Variants in GNG7 observed in about 807,000 individuals in gnomAD.
GNG7 encodes G protein subunit gamma 7.
GNG7 carries 1 observed loss-of-function variant against 4.0 expected under a neutral mutation model. The ratio of observed to expected loss-of-function variants is 0.25; its 90% CI spans 0.09 to 1.18. GNG7 has a LOEUF of 1.18. Ranked by LOEUF, GNG7 falls within the 50% of genes most tolerant of loss-of-function variation. The pLI, the probability that GNG7 is intolerant of heterozygous loss-of-function variation, is 0.50. For synonymous variants in GNG7, 34 were observed against 36.9 expected (o/e 0.92, Z 0.29); for missense variants, 86 against 91.9 (o/e 0.94, Z 0.26).
At position 2,558,029 on chromosome 19, in the gene GNG7, G is replaced by T. The variant is rs540601995; in HGVS notation, c.-77-2841C>A. The stretch of plus-strand genomic sequence containing the variant: ...GGTAATTTTTTGTGTTTTTAGTAGA[G>T]AGGGGGTTTCACCGTGTTAGCCAGG... On this transcript the variant is annotated intron_variant, in intron 2 of 4. Transcript: ENST00000382159. 2.5e-3 allele frequency among the ~76,000 whole-genome samples: 385 copies of T among 152,138 alleles called. 1 individual carries two copies. Among genetic ancestry groups the T allele is most frequent in the Non-Finnish European group, 4.2e-3 (288 of 68,018 alleles).
chr19:2,611,171 G>C lies in GNG7; in HGVS notation c.-78+35053C>G, dbSNP rs979621833. On this transcript the variant is annotated intron_variant, in intron 2 of 4. Coordinates refer to ENST00000382159, the MANE Select transcript of GNG7 (RefSeq NM_052847.3). The surrounding 1 kb of genome is among the most constrained non-coding windows in gnomAD (Gnocchi z 6.0). ...CCCTTACTAAGCCGCTCAGCCCAGG[G>C]ATCCAGGGCCCTGGCGAGACAGCCT... 2.0e-5 allele frequency: 3 copies of C among 152,290 alleles called. No homozygotes were observed. Among genetic ancestry groups the C allele is most frequent in the Non-Finnish European group, 2.9e-5 (2 of 68,104 alleles). 9.4% of individuals were successfully genotyped at this position (152,290 alleles called of 1,614,324 possible). A position where few individuals can be genotyped will look rare whatever the true frequency, so the allele number is the denominator to read the frequency against.
At chr19:2,665,716 C>G (rs567414398) in intron 1 of GNG7, among the ~76,000 whole-genome samples, 3 of 152,160 alleles carry the variant, frequency 2.0e-5, no homozygotes, top group Non-Finnish European at 2.9e-5. Flanking sequence ...GAATGCACAT[C>G]GAAGCAGCAT....
At chr19:2,517,512 A>C (rs1972752295) in intron 4 of GNG7, among the ~76,000 whole-genome samples, 2 of 151,846 alleles carry the variant, frequency 1.3e-5, no homozygotes, top group Non-Finnish European at 2.9e-5. Context: ...CTCCAGGCGC[A>C]CGCCACCACG....
rs1001159760 is a variant in GNG7, at chr19:2,633,477, G to A, written c.-78+12747C>T. 1.3e-4 allele frequency among the ~76,000 whole-genome samples: 8 copies of A among 63,220 alleles called. No individual in the cohort carries two copies. The highest frequency in any genetic ancestry group is 2.6e-4 in the Non-Finnish European group (8 of 31,208). The allele number at this position is 63,220 out of a possible 152,430, so 41.5% of individuals were successfully genotyped here. A position where few individuals can be genotyped will look rare whatever the true frequency, so the allele number is the denominator to read the frequency against. On this transcript the variant is annotated intron_variant, in intron 2 of 4. Transcript: ENST00000382159. The surrounding 1 kb of genome is among the most constrained non-coding windows in gnomAD (Gnocchi z 5.9). Reference sequence around the variant, plus strand: ...AGCGGTTGCTTAGCAACAGGCGCGCGCGCGCGCGCGCACACACACACACAC... The same window carrying A: ...AGCGGTTGCTTAGCAACAGGCGCGCACGCGCGCGCGCACACACACACACAC...
chr19:2,525,817 C>CT (rs953241147), intron 3 of GNG7, among the ~76,000 whole-genome samples: 34 of 149,250 alleles, frequency 2.3e-4, no homozygotes, highest in Non-Finnish European at 2.7e-4. Flanking sequence ...TGCTCTGCCT[C>CT]TTTTTTTTTT....
chr19:2,567,584 C>T (rs1212055055), intron 2 of GNG7, among the ~76,000 whole-genome samples: 3 of 152,116 alleles, frequency 2.0e-5, no homozygotes, highest in South Asian at 4.1e-4. Flanking sequence ...CCTCGGCCTC[C>T]CAAAGTGCTG....
chr19:2,690,422 C>T (rs775295207), intron 1 of GNG7, among the ~76,000 whole-genome samples: 17 of 152,084 alleles, frequency 1.1e-4, no homozygotes, highest in Non-Finnish European at 1.5e-5. Context: ...GATAATCATT[C>T]TTAGCCCAGG....
chr19:2,609,033 T>TC lies in GNG7; in HGVS notation c.-78+37190_-78+37191insG, dbSNP rs1491532959. Among the ~76,000 whole-genome samples the TC allele has an allele frequency of 6.8e-6, 1 of 146,708 alleles. No homozygotes were observed. The highest frequency in any genetic ancestry group is 1.5e-5 in the Non-Finnish European group (1 of 67,904). ...CATTCTCTCTCTCTCTCTCTCTCTC[T>TC]TTTTTTGTTTTGAGACAGGGTCTCA... On this transcript the variant is annotated intron_variant, in intron 2 of 4. Transcript: ENST00000382159. The surrounding 1 kb of genome is among the most constrained non-coding windows in gnomAD (Gnocchi z 4.4).
At chr19:2,543,652 G>C (rs1979034121) in intron 3 of GNG7, among the ~76,000 whole-genome samples, 1 of 152,146 alleles carries the variant, frequency 6.6e-6, no homozygotes, top group South Asian at 2.1e-4. Flanking sequence ...GGCTCCTAAG[G>C]CCAGCGGGCG....
At chr19:2,629,726 G>C (rs1203076741) in intron 2 of GNG7, among the ~76,000 whole-genome samples, 1 of 152,136 alleles carries the variant, frequency 6.6e-6, no homozygotes, top group Non-Finnish European at 1.5e-5. Context: ...GTTTTGTTTG[G>C]TTGTACTCCC....
At chr19:2,668,882 CTCTATGCTGGGAA>C (rs1271074616) in intron 1 of GNG7, among the ~76,000 whole-genome samples, 1 of 152,146 alleles carries the variant, frequency 6.6e-6, no homozygotes, top group Non-Finnish European at 1.5e-5. Context: ...CCTCCATCCT[CTCTATGCTGGGAA>C]CACCCCTCAA....
intron 3 of GNG7, among the ~76,000 whole-genome samples, chr19:2,551,041 G>A (rs1055122966): frequency 6.6e-6 from 1 of 152,122 alleles, no homozygotes; most frequent in African/African-American, 2.4e-5. Context: ...TAATCCCCAC[G>A]GCACGTGGCC....
chr19:2,544,967 G>A (rs1011716469), intron 3 of GNG7, among the ~76,000 whole-genome samples: 2 of 152,196 alleles, frequency 1.3e-5, no homozygotes, highest in African/African-American at 4.8e-5. Flanking sequence ...AGCTCCCAAC[G>A]GGATGGATGG....
chr19:2,581,330 T>TG (rs1355876157), intron 2 of GNG7, among the ~76,000 whole-genome samples: 4 of 5,034 alleles, frequency 7.9e-4, no homozygotes, highest in East Asian at 0.024. Context: ...GTGATGGGGG[T>TG]GGGGGGGTGG....
chr19:2,640,165 G>T (rs1982467865), intron 2 of GNG7, among the ~76,000 whole-genome samples: 1 of 139,502 alleles, frequency 7.2e-6, no homozygotes, highest in Non-Finnish European at 1.6e-5. Flanking sequence ...CAGAGGGAGG[G>T]AGATAGAGAT....
At chr19:2,602,377 G>A (rs778077194) in intron 2 of GNG7, among the ~76,000 whole-genome samples, 6 of 152,170 alleles carry the variant, frequency 3.9e-5, no homozygotes, top group Non-Finnish European at 7.3e-5. Flanking sequence ...ACTGGGCTGC[G>A]GGCTGCGTCC....
chr19:2,647,530 C>T (rs1380477580), intron 1 of GNG7, among the ~76,000 whole-genome samples: 1 of 152,134 alleles, frequency 6.6e-6, no homozygotes, highest in African/African-American at 2.4e-5. Flanking sequence ...CGCCCCATCT[C>T]TACAAAATGA....
chr19:2,606,135 G>A (rs902394443), intron 2 of GNG7, among the ~76,000 whole-genome samples: 6 of 152,062 alleles, frequency 3.9e-5, no homozygotes, highest in African/African-American at 1.2e-4. Context: ...TCCCAGCACT[G>A]TGGGAGGCCG....
intron 2 of GNG7, among the ~76,000 whole-genome samples, chr19:2,582,656 ATTTTTTTT>A (rs35625825): frequency 2.0e-3 from 175 of 86,152 alleles, no homozygotes; most frequent in South Asian, 5.8e-3. Context: ...CTAATTGTTA[ATTTTTTTT>A]TTTTTTTTTT....
Sources: allele counts gnomAD v4.1 joint callset (sites outside exome capture counted in the v4.1 genomes callset), GRCh38; gene constraint gnomAD v4.1.1; non-coding constraint Gnocchi (gnomAD v3.1); transcripts MANE v1.5; gene names NCBI Gene and HGNC (gene_info 2026-07-23, HGNC 2026-07-21).